Variants in INSL6 observed in about 807,000 individuals in gnomAD.
INSL6 encodes insulin-like peptide INSL6.
INSL6 carries 16 observed loss-of-function variants against 9.4 expected under a neutral mutation model. That is an observed-to-expected ratio of 1.70 (90% CI 1.15 to 2.59). INSL6 has a LOEUF of 2.59. Ranked by LOEUF, INSL6 falls within the 30% of genes most tolerant of loss-of-function variation. The probability of loss-of-function intolerance (pLI) is 0.00; values close to 1 mark genes in which losing one functional copy is unlikely to be tolerated. For synonymous variants in INSL6, 154 were observed against 96.9 expected (o/e 1.59, Z -3.46); for missense variants, 391 against 257.3 (o/e 1.52, Z -3.56).
chr9:5,144,877 G>C (rs1337941567), intron 2 of INSL6, among the ~76,000 whole-genome samples: 1 of 152,126 alleles, frequency 6.6e-6, no homozygotes, highest in African/African-American at 2.4e-5. Flanking sequence ...TGTGAGATGG[G>C]TCTCTTGAAG....
At chr9:5,081,821 T>C in the INSL6 span, 1 of 1,613,748 alleles carries the variant, frequency 6.2e-7, no homozygotes, top group Non-Finnish European at 8.5e-7. Context: ...CCTACACAGT[T>C]TGAAGAGAGA....
the INSL6 span, among the ~76,000 whole-genome samples, chr9:5,035,341 C>T: frequency 1.3e-5 from 2 of 152,286 alleles, 1 homozygote; most frequent in Middle Eastern, 6.8e-3. Flanking sequence ...TGAAACTATT[C>T]CAATCAATAG....
At chr9:5,085,655 TTTTCCTTTTCGAGAACGTGCATTATCA>T in the INSL6 span, 1 of 723,820 alleles carries the variant, frequency 1.4e-6, no homozygotes, top group Non-Finnish European at 2.6e-6. Flanking sequence ...ATCTTGTGTG[TTTTCCTTTTCGAGAACGTGCATTATCA>T]ATAACGTCAT....
chr9:5,035,956 T>A, the INSL6 span, among the ~76,000 whole-genome samples: 1 of 152,212 alleles, frequency 6.6e-6, no homozygotes, highest in African/African-American at 2.4e-5. Context: ...TGTTTGCAGA[T>A]GACATGATTG....
the INSL6 span, among the ~76,000 whole-genome samples, chr9:5,035,965 T>A: frequency 6.6e-6 from 1 of 152,180 alleles, no homozygotes; most frequent in African/African-American, 2.4e-5. Flanking sequence ...ATGACATGAT[T>A]GTATATCTGG....
chr9:5,091,504 T>C, the INSL6 span: 4 of 152,156 alleles, frequency 2.6e-5, no homozygotes, highest in African/African-American at 9.7e-5. Flanking sequence ...ATGAGGATTT[T>C]GTAGGTGCAG....
the INSL6 span, among the ~76,000 whole-genome samples, chr9:4,998,407 C>T: frequency 6.6e-6 from 1 of 152,106 alleles, no homozygotes; most frequent in Non-Finnish European, 1.5e-5. Context: ...TAGGCGCGCA[C>T]CACCACGCCC....
At chr9:5,114,205 G>A in the INSL6 span, 21 of 485,838 alleles carry the variant, frequency 4.3e-5, no homozygotes, top group Middle Eastern at 3.5e-4. Context: ...TACCTGAGCC[G>A]GTCCAGCCCC....
At chr9:5,104,648 G>C in the INSL6 span, among the ~76,000 whole-genome samples, 1 of 152,118 alleles carries the variant, frequency 6.6e-6, no homozygotes, top group Non-Finnish European at 1.5e-5. Flanking sequence ...ACGTCGATGT[G>C]AAAATCCTCA....
intron 1 of INSL6, among the ~76,000 whole-genome samples, chr9:5,178,032 T>C (rs1825352248): frequency 1.3e-5 from 2 of 152,152 alleles, no homozygotes; most frequent in African/African-American, 2.4e-5. Context: ...CATGCCACCA[T>C]GCCTAGCTAA....
chr9:5,154,332 T>C (rs1455957086), intron 2 of INSL6, among the ~76,000 whole-genome samples: 1 of 152,178 alleles, frequency 6.6e-6, no homozygotes, highest in Non-Finnish European at 1.5e-5. Context: ...TCAAGATGGA[T>C]TAAAGACTTA....
the INSL6 span, among the ~76,000 whole-genome samples, chr9:5,104,602 C>A: frequency 1.2e-4 from 18 of 152,068 alleles, no homozygotes; most frequent in Admixed American, 8.5e-4. Flanking sequence ...GCAGAGACAC[C>A]ACAAAAAAAT....
chr9:5,167,224 T>G (rs1825075197), intron 1 of INSL6, among the ~76,000 whole-genome samples: 1 of 152,168 alleles, frequency 6.6e-6, no homozygotes, highest in Non-Finnish European at 1.5e-5. Flanking sequence ...CTGAAAACCA[T>G]GCTTTTACCA....
At chr9:5,023,332 T>C in the INSL6 span, among the ~76,000 whole-genome samples, 2 of 152,204 alleles carry the variant, frequency 1.3e-5, no homozygotes, top group African/African-American at 4.8e-5. Context: ...GTGAATGACA[T>C]GATTACATTC....
chr9:5,058,618 G>A, the INSL6 span, among the ~76,000 whole-genome samples: 1 of 152,126 alleles, frequency 6.6e-6, no homozygotes, highest in Non-Finnish European at 1.5e-5. Context: ...TAATTTTTTA[G>A]GGAGCCACCA....
intron 1 of INSL6, among the ~76,000 whole-genome samples, chr9:5,169,980 T>C: frequency 6.6e-6 from 1 of 152,184 alleles, no homozygotes; most frequent in Non-Finnish European, 1.5e-5. Flanking sequence ...TTAACAAAGA[T>C]ATTTAGGACT....
At chr9:5,062,536 A>G in the INSL6 span, among the ~76,000 whole-genome samples, 19 of 146,406 alleles carry the variant, frequency 1.3e-4, no homozygotes, top group African/African-American at 4.5e-4. Context: ...AAAAAAGGTC[A>G]TATCTGCAAG....
chr9:5,079,721 C>T, the INSL6 span, among the ~76,000 whole-genome samples: 2 of 152,030 alleles, frequency 1.3e-5, no homozygotes, highest in Non-Finnish European at 2.9e-5. Flanking sequence ...CTTCCTAAAG[C>T]GCTTGGGTGG....
the INSL6 span, chr9:5,064,823 A>G: frequency 7.7e-7 from 1 of 1,299,028 alleles, no homozygotes; most frequent in Non-Finnish European, 1.0e-6. Context: ...AAAATTTTCA[A>G]TATTTAACAT....
Sources: allele counts gnomAD v4.1 joint callset (sites outside exome capture counted in the v4.1 genomes callset), GRCh38; gene constraint gnomAD v4.1.1; transcripts MANE v1.5; gene names NCBI Gene and HGNC (gene_info 2026-07-23, HGNC 2026-07-21).